The following FAT4 variants were observed in gnomAD, a reference collection of about 807,000 sequenced individuals.
FAT4 encodes protocadherin Fat 4.
Under a neutral mutation model 303.9 loss-of-function variants are expected in FAT4, and 84 were observed. The observed-to-expected ratio is 0.28, with a 90% CI of 0.23 to 0.33. The LOEUF (loss-of-function observed/expected upper bound fraction) is 0.33. FAT4 is among the 10% of genes least tolerant of loss of function. The pLI is 1.00. For missense variants in FAT4, 6,005 were observed against 6,146.8 expected (o/e 0.98, Z 0.77); for synonymous variants, 2,307 against 2,298.8 (o/e 1.00, Z -0.10).
In FAT4 at chr4:125,319,129, G is replaced by C; in HGVS notation, c.2718G>C (p.Trp906Cys). 1 of 1,614,094 alleles carries C rather than the reference G, an allele frequency of 6.2e-7. No homozygotes were observed. The highest frequency in any genetic ancestry group is 8.5e-7 in the Non-Finnish European group (1 of 1,180,012). Residue 906 changes from tryptophan (W) to cysteine (C), a missense_variant, in exon 2 of 18, where the codon TGG (tryptophan) becomes TGC (cysteine). Coordinates refer to ENST00000394329, the MANE Select transcript of FAT4 (RefSeq NM_001291303.3). ...AGAGTGTAAATGTGGTGGAGAATTG[G>C]CAGGCAGGTCACAGCATTTTCCAGG... ...AIESVNVVEN[W>C]QAGHSIFQAK...
chr4:125,433,726 GAAGCTATTT>G, intron 7 of FAT4, among the ~76,000 whole-genome samples: 1 of 152,166 alleles, frequency 6.6e-6, no homozygotes, highest in Non-Finnish European at 1.5e-5. Context: ...GATATAACTT[GAAGCTATTT>G]TTTGTTTCCC....
At chr4:125,477,565 G>A (rs1039797678) in intron 14 of FAT4, among the ~76,000 whole-genome samples, 1 of 147,060 alleles carries the variant, frequency 6.8e-6, no homozygotes, top group Non-Finnish European at 1.5e-5. Flanking sequence ...ATATATATAT[G>A]CATGTGGGCA....
At chr4:125,384,292 A>G (rs1366948161) in intron 2 of FAT4, among the ~76,000 whole-genome samples, 1 of 152,154 alleles carries the variant, frequency 6.6e-6, no homozygotes, top group Non-Finnish European at 1.5e-5. Flanking sequence ...CACCAACAAC[A>G]TATGAGTGTT....
At chr4:125,349,072 A>G (rs1335155634) in intron 2 of FAT4, among the ~76,000 whole-genome samples, 1 of 151,786 alleles carries the variant, frequency 6.6e-6, no homozygotes, top group Non-Finnish European at 1.5e-5. Context: ...GGATTAAATT[A>G]TCCAGAGGGG....
At chr4:125,335,402 C>T (rs540207878) in intron 2 of FAT4, among the ~76,000 whole-genome samples, 1 of 152,004 alleles carries the variant, frequency 6.6e-6, no homozygotes, top group Admixed American at 6.6e-5. Flanking sequence ...AGGTGATTTT[C>T]TCGGAGTGCT....
rs1478274740 is a variant in FAT4, at chr4:125,481,688, A to G, written c.12772A>G (p.Asn4258Asp). Residue 4258 changes from asparagine (N) to aspartate (D), a missense_variant, in exon 16 of 18, where the codon AAT (asparagine) becomes GAT (aspartate). By Grantham distance (23) the Asn-to-Asp change is conservative (BLOSUM62 1). Coordinates refer to ENST00000394329, the MANE Select transcript of FAT4 (RefSeq NM_001291303.3). The stretch of plus-strand genomic sequence containing the variant: ...AGTAAAATTTAGGACCAGAAGCGAG[A>G]ATGGCGTTTTAATCCATATCCAAGA... ...LEVKFRTRSE[N>D]GVLIHIQESS... 1 of 1,614,060 alleles carries G rather than the reference A, an allele frequency of 6.2e-7. No individual in the cohort carries two copies.
intron 16 of FAT4, among the ~76,000 whole-genome samples, chr4:125,483,870 G>T (rs1342847850): frequency 6.6e-6 from 1 of 151,226 alleles, no homozygotes; most frequent in Non-Finnish European, 1.5e-5. Context: ...ATACAGACTA[G>T]GAAGCTAGTT....
chr4:125,374,517 C>A (rs1405882463), intron 2 of FAT4, among the ~76,000 whole-genome samples: 1 of 152,144 alleles, frequency 6.6e-6, no homozygotes, highest in Admixed American at 6.6e-5. Flanking sequence ...CGTCCTTATT[C>A]TACAGACATT....
At chr4:125,399,222 A>G (rs1734294365) in intron 3 of FAT4, among the ~76,000 whole-genome samples, 10 of 152,012 alleles carry the variant, frequency 6.6e-5, no homozygotes. Context: ...TTATGCCATT[A>G]TTATTCCCCT....
chr4:125,421,521 A>G (rs1724887852), intron 7 of FAT4, among the ~76,000 whole-genome samples: 1 of 152,232 alleles, frequency 6.6e-6, no homozygotes. Context: ...ACCCTCAAAA[A>G]TAAATTTAAA....
chr4:125,487,590 T>C lies in FAT4; in HGVS notation c.13068T>C (p.His4356=), dbSNP rs374833508. The C allele has an allele frequency of 1.9e-6, 3 of 1,608,552 alleles. No individual in the cohort carries two copies. Among genetic ancestry groups the C allele is most frequent in the African/African-American group, 1.3e-5 (1 of 74,784 alleles). Reference sequence around the variant, plus strand: ...GAGGAATTCCACCCAATCAAGCACATCGAGATGCCCAAACAGGTAAATGCC... The same window carrying C: ...GAGGAATTCCACCCAATCAAGCACACCGAGATGCCCAAACAGGTAAATGCC... ...SLGGIPPNQA[H]RDAQTAGFDG... The change falls in exon 17 of 18, where the codon CAT becomes CAC. Residue 4356 remains histidine, a synonymous_variant. Transcript: ENST00000394329.
Position 125,415,485 on chromosome 4 carries a change from A to G in FAT4, c.6522A>G (p.Ile2174Met). ...NENTLTGTDI[I>M]QVFAADGDEG... ...ACACACTTACTGGAACAGATATAAT[A>G]CAAGTGTTCGCAGCAGATGGAGATG... Residue 2174 changes from isoleucine (I) to methionine (M), a missense_variant, in exon 6 of 18, where the codon ATA becomes ATG. Ile to Met is a conservative substitution (Grantham distance 10). Transcript: ENST00000394329. The G allele has an allele frequency of 1.2e-6, 2 of 1,614,110 alleles. No individual in the cohort carries two copies. Among genetic ancestry groups the G allele is most frequent in the East Asian group, 2.2e-5 (1 of 44,854 alleles).
chr4:125,486,664 AC>A (rs1398130067), intron 16 of FAT4, among the ~76,000 whole-genome samples: 4 of 152,160 alleles, frequency 2.6e-5, no homozygotes, highest in African/African-American at 4.8e-5. Flanking sequence ...GCACCCTGTT[AC>A]CCAATGTTCT....
At position 125,324,054 on chromosome 4, in the gene FAT4, A is replaced by T. The variant is rs564325174; in HGVS notation, c.5175+2468A>T. Among the ~76,000 whole-genome samples the T allele has an allele frequency of 5.3e-5, 8 of 152,282 alleles. No individual in the cohort carries two copies. In the South Asian group the frequency reaches 1.7e-3, roughly 32 times the overall value. On this transcript the variant is annotated intron_variant, in intron 2 of 17. Coordinates refer to ENST00000394329, the MANE Select transcript of FAT4 (RefSeq NM_001291303.3). ...AAGATGTGTCCAGTTATACACCTTT[A>T]CTTACGCTACTTGTTATATCCAAAG...
chr4:125,429,203 C>G (rs1725199513), intron 7 of FAT4, among the ~76,000 whole-genome samples: 1 of 152,096 alleles, frequency 6.6e-6, no homozygotes, highest in Admixed American at 6.5e-5. Flanking sequence ...AAGTATAGTC[C>G]TAGATTGTAT....
rs868790842 is a variant in FAT4, at chr4:125,446,424, C to T, written c.7331C>T (p.Ser2444Phe). ...TLVVVCSDAG[S>F]PEPLSSSTSV... is the part of the protein sequence containing the mutation. ...GTAGTGGTCTGCAGTGATGCGGGAT[C>T]CCCAGAGCCTCTTTCCAGTTCCACC... Residue 2444 changes from serine to phenylalanine, a missense_variant, in exon 9 of 18, where the codon TCC becomes TTC. Physicochemically the swap from Ser to Phe is radical, Grantham distance 155. Transcript: ENST00000394329. 3 of 1,613,450 alleles carry T rather than the reference C, an allele frequency of 1.9e-6. No homozygotes were observed. The highest frequency in any genetic ancestry group is 1.7e-4 in the Middle Eastern group (1 of 6,060).
chr4:125,437,140 C>T (rs1227236060), intron 8 of FAT4, among the ~76,000 whole-genome samples: 1 of 152,096 alleles, frequency 6.6e-6, no homozygotes. Context: ...CAGGCATGAG[C>T]CACCATGCCT....
chr4:125,422,201 T>G (rs1222680113), intron 7 of FAT4, among the ~76,000 whole-genome samples: 1 of 152,220 alleles, frequency 6.6e-6, no homozygotes, highest in African/African-American at 2.4e-5. Flanking sequence ...ATAAAGAATT[T>G]GTTAGGCTTT....
chr4:125,475,691 A>G (rs1727004170), intron 12 of FAT4, among the ~76,000 whole-genome samples: 1 of 152,134 alleles, frequency 6.6e-6, no homozygotes, highest in Admixed American at 6.6e-5. Context: ...ATTGCTATAT[A>G]GTATTTATAT....
Sources: gnomAD v4.1 joint callset for allele counts (sites outside exome capture counted in the v4.1 genomes callset) on GRCh38, gnomAD v4.1.1 for gene constraint, MANE v1.5 for transcripts, NCBI Gene and HGNC (gene_info 2026-07-23, HGNC 2026-07-21) for gene names.